Variants in KRT7 observed in about 807,000 individuals in gnomAD.
KRT7 encodes keratin 7, also known as keratin, type II cytoskeletal 7.
A neutral mutation model predicts 42.8 loss-of-function variants in KRT7; 50 were observed. That is an observed-to-expected ratio of 1.17 (90% CI 0.93 to 1.48). KRT7 has a LOEUF of 1.48. Ranked by LOEUF, KRT7 falls within the 40% of genes most tolerant of loss-of-function variation. The pLI is 0.00. For synonymous variants in KRT7, 268 were observed against 266.3 expected, an observed-to-expected ratio of 1.01 and a Z score of -0.06; for missense variants, 588 against 637.6, an observed-to-expected ratio of 0.92 and a Z score of 0.84.
downstream of KRT7, among the ~76,000 whole-genome samples, chr12:52,255,755 C>G (rs1359150861): frequency 6.6e-6 from 1 of 152,214 alleles, no homozygotes; most frequent in African/African-American, 2.4e-5. Context: ...TACTTCCTTA[C>G]TCCTTTCCCA....
chr12:52,250,902 G>A (rs564549176), downstream of KRT7, among the ~76,000 whole-genome samples: 2 of 152,360 alleles, frequency 1.3e-5, no homozygotes, highest in Non-Finnish European at 2.9e-5. Context: ...GAACATCATG[G>A]AGTGCACATA....
intron 2 of KRT7, 62 bp downstream of exon 2, chr12:52,235,428 T>C: frequency 3.5e-6 from 5 of 1,429,614 alleles, no homozygotes; most frequent in Non-Finnish European, 4.7e-6. Flanking sequence ...CCTCATGAGC[T>C]GACCCTGTGC....
chr12:52,245,486 GC>G lies in KRT7; in HGVS notation c.1060del (p.Gln354ArgfsTer26). On this transcript the variant is annotated frameshift_variant, in exon 7 of 9. Transcript: ENST00000331817. LOFTEE classifies it high-confidence loss of function. ...TGGCGCTCAAGGATGCTCGTGCCAAGCAGGAGGAGCTGGAAGCCGCCCTGCA... is the reference window on the plus strand; with the variant it reads ...TGGCGCTCAAGGATGCTCGTGCCAAGAGGAGGAGCTGGAAGCCGCCCTGCA... Reference protein sequence around the residue: ...ELALKDARAKQEELEAALQRG... With the variant: ...ELALKDARAKXEELEAALQRG... 1 of 1,613,982 alleles carries G rather than the reference GC, an allele frequency of 6.2e-7. No homozygotes were observed. The highest frequency in any genetic ancestry group is 8.5e-7 in the Non-Finnish European group (1 of 1,179,884).
intron 7 of KRT7, 63 bp downstream of exon 7, chr12:52,245,695 T>C: frequency 6.3e-7 from 1 of 1,595,716 alleles, no homozygotes; most frequent in Non-Finnish European, 8.6e-7. Context: ...GGGCTTGACA[T>C]TCATCCATTT....
chr12:52,241,597 A>G lies in KRT7; in HGVS notation c.819A>G (p.Lys273=), dbSNP rs1045490458. ...AGGCGCAGTATGAGGAGATGGCCAA[A>G]TGCAGCCGGGCTGAGGCTGAAGCCT... is the stretch of plus-strand genomic sequence containing the variant. The part of the protein sequence containing the change: ...EVKAQYEEMA[K]CSRAEAEAWY... Residue 273 remains lysine, a synonymous_variant, in exon 5 of 9, where the codon AAA becomes AAG. Transcript: ENST00000331817. 8 of 1,613,088 alleles carry G rather than the reference A, an allele frequency of 5.0e-6. No individual in the cohort carries two copies. Among genetic ancestry groups the G allele is most frequent in the Non-Finnish European group, 6.8e-6 (8 of 1,179,408 alleles).
At chr12:52,234,412 T>C (rs1287632532) in intron 1 of KRT7, among the ~76,000 whole-genome samples, 1 of 152,214 alleles carries the variant, frequency 6.6e-6, no homozygotes, top group East Asian at 1.9e-4. Context: ...TGGGCTGTTC[T>C]GGCCAGGGCC....
At chr12:52,245,326 C>T in intron 6 of KRT7, 86 bp from the exon 7 acceptor site, 1 of 1,386,244 alleles carries the variant, frequency 7.2e-7, no homozygotes, top group East Asian at 2.4e-5. Context: ...CCACCTTAAG[C>T]AAGTTGCCCG....
chr12:52,235,956 G>A (rs553327825), intron 2 of KRT7, among the ~76,000 whole-genome samples: 29 of 152,316 alleles, frequency 1.9e-4, no homozygotes, highest in African/African-American at 6.7e-4. Flanking sequence ...GTCTGGTCAT[G>A]GCAGGAGCCA....
chr12:52,243,632 C>T (rs534651489), intron 6 of KRT7: 1 of 153,130 alleles, frequency 6.5e-6, no homozygotes, highest in South Asian at 2.1e-4. Flanking sequence ...TGCTTCAGGG[C>T]CTTTGCACTT....
At position 52,248,907 on chromosome 12, in the gene KRT7, G is replaced by A; in HGVS notation, c.*147G>A. ...TTCCAATAAAGCAGCCTCATTCTGA[G>A]GCCTGAGTGATCCACGTGCCTGGTA... On this transcript the variant is annotated 3_prime_UTR_variant, in exon 9 of 9. Coordinates refer to ENST00000331817, the MANE Select transcript of KRT7 (RefSeq NM_005556.4). 2 of 719,626 alleles carry A rather than the reference G, an allele frequency of 2.8e-6. No individual in the cohort carries two copies. Among genetic ancestry groups the A allele is most frequent in the Non-Finnish European group, 4.1e-6 (2 of 493,790 alleles). 44.6% of individuals were successfully genotyped at this position (719,626 alleles called of 1,614,324 possible).
At chr12:52,250,543 T>TC, downstream of KRT7, 1 of 1,147,252 alleles carries the variant, frequency 8.7e-7, no homozygotes, top group Non-Finnish European at 1.3e-6. Context: ...ACCGCCACGT[T>TC]CCCGCTGCAG....
chr12:52,243,979 C>A (rs1280841236), intron 6 of KRT7, among the ~76,000 whole-genome samples: 1 of 152,214 alleles, frequency 6.6e-6, no homozygotes, highest in Admixed American at 6.5e-5. Flanking sequence ...GGAGGATGAG[C>A]TTTGCTGGAA....
At chr12:52,236,444 C>T (rs899126893) in intron 2 of KRT7, among the ~76,000 whole-genome samples, 12 of 151,042 alleles carry the variant, frequency 7.9e-5, no homozygotes, top group African/African-American at 2.9e-4. Context: ...GAAAGAGGAA[C>T]TGGAAGGGAG....
intron 2 of KRT7, among the ~76,000 whole-genome samples, chr12:52,237,242 T>TC (rs1473840876): frequency 6.6e-6 from 1 of 152,180 alleles, no homozygotes; most frequent in East Asian, 1.9e-4. Context: ...TTGCTTTTTT[T>TC]CTCCCAGGAC....
At chr12:52,241,744 G>A (rs1459955865) in intron 5 of KRT7, 108 bp downstream of exon 5, 2 of 965,964 alleles carry the variant, frequency 2.1e-6, no homozygotes, top group African/African-American at 1.6e-5. Context: ...CACTGTTCTG[G>A]CAGGCACCAG....
At position 52,245,577 on chromosome 12, in the gene KRT7, G is replaced by T; in HGVS notation, c.1150G>T (p.Ala384Ser). 1 of 1,614,080 alleles carries T rather than the reference G, an allele frequency of 6.2e-7. No individual in the cohort carries two copies. The highest frequency in any genetic ancestry group is 8.5e-7 in the Non-Finnish European group (1 of 1,180,044). Residue 384 changes from alanine to serine, a missense_variant, in exon 7 of 9, where the codon GCC becomes TCC. Transcript: ENST00000331817. ...EYQELMSVKL[A>S]LDIEIATYRK... ...CCAGGAACTCATGAGCGTGAAGCTG[G>T]CCCTGGACATCGAGATCGCCACCTA...
intron 2 of KRT7, 45 bp downstream of exon 2, chr12:52,235,411 A>G (rs767088026): frequency 1.9e-5 from 29 of 1,525,132 alleles, no homozygotes; most frequent in Non-Finnish European, 2.3e-5. Context: ...CCCCGGGCCA[A>G]TGTGACCCTC....
intron 2 of KRT7, among the ~76,000 whole-genome samples, chr12:52,236,197 G>GT (rs1555182159): frequency 1.4e-5 from 2 of 145,604 alleles, no homozygotes; most frequent in African/African-American, 5.2e-5. Context: ...TCTGTGGAGT[G>GT]CCCCCCCCCA....
intron 7 of KRT7, 162 bp from the exon 8 acceptor site, chr12:52,248,015 A>G (rs1942201844): frequency 2.9e-6 from 2 of 681,334 alleles, no homozygotes; most frequent in Admixed American, 4.4e-5. Context: ...CCCTTCCTGC[A>G]TGCCTCCTCG....
Sources: gnomAD v4.1 joint callset for allele counts (sites outside exome capture counted in the v4.1 genomes callset) on GRCh38, gnomAD v4.1.1 for gene constraint, MANE v1.5 for transcripts, NCBI Gene and HGNC (gene_info 2026-07-23, HGNC 2026-07-21) for gene names.